The following ACER3 variants were observed in gnomAD, a reference collection of about 807,000 sequenced individuals.
ACER3 encodes the protein alkCDase 3.
Under a neutral mutation model 48.9 loss-of-function variants are expected in ACER3, and 16 were observed. That is an observed-to-expected ratio of 0.33 (90% confidence interval 0.22 to 0.50). The LOEUF is 0.50. ACER3 is among the 20% of genes least tolerant of loss of function. ACER3 has a pLI of 0.98. For missense variants in ACER3, 227 were observed against 326.0 expected, an observed-to-expected ratio of 0.70 and a Z score of 2.34; for synonymous variants, 109 against 107.8, an observed-to-expected ratio of 1.01 and a Z score of -0.07.
chr11:77,013,499 G>A (rs1325410514), intron 7 of ACER3, among the ~76,000 whole-genome samples: 3 of 152,098 alleles, frequency 2.0e-5, no homozygotes, highest in African/African-American at 7.2e-5. Flanking sequence ...AGTCATTAGG[G>A]AAATGCAAAT....
At chr11:76,993,809 T>C (rs1948854526) in intron 6 of ACER3, among the ~76,000 whole-genome samples, 1 of 152,208 alleles carries the variant, frequency 6.6e-6, no homozygotes, top group Non-Finnish European at 1.5e-5. Context: ...CAATAGTGTT[T>C]GCGCTCCTAT....
intron 1 of ACER3, among the ~76,000 whole-genome samples, chr11:76,901,033 T>C (rs1293291573): frequency 6.6e-6 from 1 of 152,196 alleles, no homozygotes; most frequent in Admixed American, 6.5e-5. Context: ...TCTATAATAA[T>C]GGCATCTTCT....
intron 2 of ACER3, among the ~76,000 whole-genome samples, chr11:76,944,905 AT>A (rs773035292): frequency 2.0e-5 from 3 of 150,920 alleles, no homozygotes; most frequent in South Asian, 2.1e-4. Flanking sequence ...CTTTTTTATT[AT>A]TTTTTTCCCC....
At position 77,018,361 on chromosome 11, in the gene ACER3, C is replaced by T. The variant is rs12295688; in HGVS notation, c.705-1370C>T. Among the ~76,000 whole-genome samples the T allele has an allele frequency of 1.4e-3, 214 of 152,298 alleles. 2 individuals carry two copies. Among genetic ancestry groups the T allele is most frequent in the African/African-American group, 4.9e-3 (203 of 41,550 alleles). On this transcript the variant is annotated intron_variant, in intron 9 of 10. Transcript: ENST00000532485. ...ACTGCTCCACCAATTGGCCATTCCC[C>T]AGTCTCTTTCCTTCTCCTCCAGCCT...
At chr11:76,861,781 G>A in intron 1 of ACER3, among the ~76,000 whole-genome samples, 1 of 152,114 alleles carries the variant, frequency 6.6e-6, no homozygotes, top group East Asian at 1.9e-4. Context: ...GAGCACAGAG[G>A]ACCAAGTCCC....
At chr11:76,929,893 A>T (rs1167505842) in intron 2 of ACER3, among the ~76,000 whole-genome samples, 3 of 152,092 alleles carry the variant, frequency 2.0e-5, no homozygotes, top group Non-Finnish European at 2.9e-5. Flanking sequence ...GAGGATTTTT[A>T]CATCGATGTT....
chr11:76,984,647 T>A (rs1419157212), intron 4 of ACER3, among the ~76,000 whole-genome samples: 4 of 152,200 alleles, frequency 2.6e-5, no homozygotes, highest in Non-Finnish European at 5.9e-5. Flanking sequence ...TTGTGCTAGT[T>A]ATATGAAAAA....
At chr11:76,908,762 A>G (rs1946297692) in intron 1 of ACER3, among the ~76,000 whole-genome samples, 1 of 152,216 alleles carries the variant, frequency 6.6e-6, no homozygotes, top group African/African-American at 2.4e-5. Context: ...AGAATTAGAA[A>G]AAAACAACTT....
intron 7 of ACER3, among the ~76,000 whole-genome samples, chr11:77,008,985 A>C (rs1303031923): frequency 6.6e-6 from 1 of 152,198 alleles, no homozygotes; most frequent in Non-Finnish European, 1.5e-5. Flanking sequence ...ACTTGATCCC[A>C]GGACACTGAG....
chr11:76,990,997 C>T (rs1283462671), intron 6 of ACER3, among the ~76,000 whole-genome samples: 3 of 152,142 alleles, frequency 2.0e-5, no homozygotes, highest in East Asian at 1.9e-4. Context: ...GAAGCAGACA[C>T]AGGAAACTTT....
At chr11:76,957,512 C>T (rs1590989191) in intron 2 of ACER3, 2 of 447,886 alleles carry the variant, frequency 4.5e-6, no homozygotes, top group Middle Eastern at 7.0e-4. Flanking sequence ...GGCACAATCT[C>T]GGCTCACTGC....
intron 3 of ACER3, among the ~76,000 whole-genome samples, chr11:76,969,330 C>G (rs1291719153): frequency 2.0e-5 from 3 of 152,156 alleles, no homozygotes; most frequent in Non-Finnish European, 4.4e-5. Flanking sequence ...AATAGGAACA[C>G]TTTTACACTG....
In ACER3 at chr11:77,015,032, A is replaced by G. The variant is rs782375162; in HGVS notation, c.514A>G (p.Arg172Gly). Residue 172 changes from arginine to glycine, a missense_variant, in exon 8 of 11, where the codon AGA becomes GGA. Around this residue, in one of 3 missense-constraint regions of ACER3, gnomAD observed 195 missense variants for 290.8 expected, o/e 0.67. Transcript: ENST00000532485. ...CCCCCACAGGGTTTATCCATGGCTT[A>G]GAGGACTGGGTTATACATCATTGGG... ...YIVTWVYPWLRGLGYTSLGIF... is the reference protein window; with the variant it reads ...YIVTWVYPWLGGLGYTSLGIF... 5 of 1,599,550 alleles carry G rather than the reference A, an allele frequency of 3.1e-6. No individual in the cohort carries two copies. The Admixed American group carries it at 8.4e-5, about 27-fold the overall frequency.
chr11:77,007,114 G>GAAAA (rs34934546), intron 7 of ACER3, among the ~76,000 whole-genome samples: 2 of 141,918 alleles, frequency 1.4e-5, no homozygotes, highest in Non-Finnish European at 1.5e-5. Context: ...CCTGTCTCTT[G>GAAAA]AAAAAAAAAA....
intron 1 of ACER3, among the ~76,000 whole-genome samples, chr11:76,914,152 G>A (rs1432740569): frequency 2.6e-5 from 4 of 152,196 alleles, no homozygotes; most frequent in African/African-American, 7.2e-5. Context: ...AGGACTTCAT[G>A]TCTAAAACAC....
chr11:76,993,012 G>GCA (rs1948835352), intron 6 of ACER3, among the ~76,000 whole-genome samples: 1 of 151,998 alleles, frequency 6.6e-6, no homozygotes, highest in East Asian at 1.9e-4. Flanking sequence ...GGGATTACAG[G>GCA]CACACACCAC....
intron 1 of ACER3, among the ~76,000 whole-genome samples, chr11:76,870,265 G>GATGGGACCACAGATGC (rs1440750809): frequency 1.3e-5 from 2 of 151,680 alleles, no homozygotes; most frequent in African/African-American, 4.8e-5. Context: ...CTTCCAAGTA[G>GATGGGACCACAGATGC]ATGGGACCAC....
chr11:76,867,665 A>AAAAT (rs1268755169), intron 1 of ACER3, among the ~76,000 whole-genome samples: 2 of 152,130 alleles, frequency 1.3e-5, no homozygotes, highest in African/African-American at 4.8e-5. Context: ...CTAAAAAATA[A>AAAAT]AAATAAATAA....
chr11:76,879,705 A>G (rs1945475466), intron 1 of ACER3, among the ~76,000 whole-genome samples: 1 of 152,158 alleles, frequency 6.6e-6, no homozygotes, highest in Non-Finnish European at 1.5e-5. Flanking sequence ...TGTTAATATG[A>G]CTGATTAATT....
Sources: gnomAD v4.1 joint callset for allele counts (sites outside exome capture counted in the v4.1 genomes callset) on GRCh38, gnomAD v4.1.1 for gene constraint, gnomAD v4.1.1 regional missense constraint, MANE v1.5 for transcripts, NCBI Gene and HGNC (gene_info 2026-07-23, HGNC 2026-07-21) for gene names.